PSAT1: variants seen among roughly 807,000 people sequenced by gnomAD.
PSAT1 encodes the protein phosphoserine aminotransferase 1, also known as phosphoserine aminotransferase.
A neutral mutation model predicts 40.3 loss-of-function variants in PSAT1; 41 were observed. The ratio of observed to expected loss-of-function variants is 1.02; its 90% CI spans 0.79 to 1.32. The LOEUF (loss-of-function observed/expected upper bound fraction) is 1.32, where lower values mean the gene tolerates loss of function less well. Among genes scored for constraint, PSAT1 ranks in the 40% most tolerant of loss-of-function variants. The pLI is 0.00. For missense variants in PSAT1, 406 were observed against 455.8 expected, an observed-to-expected ratio of 0.89 and a Z score of 0.99; for synonymous variants, 147 against 170.5, an observed-to-expected ratio of 0.86 and a Z score of 1.07.
At chr9:78,320,775 C>T (rs1221750729) in intron 7 of PSAT1, among the ~76,000 whole-genome samples, 1 of 152,122 alleles carries the variant, frequency 6.6e-6, no homozygotes, top group Non-Finnish European at 1.5e-5. Flanking sequence ...AAGAATAAAT[C>T]ATCTTCCCTG....
intron 6 of PSAT1, among the ~76,000 whole-genome samples, chr9:78,311,829 G>C (rs10780228): frequency 0.077 from 11,644 of 151,314 alleles, 664 homozygotes; most frequent in East Asian, 0.24. Flanking sequence ...GAGACTGTCT[G>C]AAAACAAAAA....
chr9:78,310,844 G>A (rs144576345), intron 6 of PSAT1, among the ~76,000 whole-genome samples: 7,497 of 152,140 alleles, frequency 0.049, 323 homozygotes, highest in East Asian at 0.19. Flanking sequence ...CTGACCTCAG[G>A]TGATCCACCT....
At chr9:78,297,310 C>A in intron 1 of PSAT1, 40 bp downstream of exon 1, 1 of 1,570,132 alleles carries the variant, frequency 6.4e-7, no homozygotes, top group Non-Finnish European at 8.6e-7. Flanking sequence ...GAGGTTCAGG[C>A]GGGAGCACGC....
intron 1 of PSAT1, among the ~76,000 whole-genome samples, chr9:78,300,186 C>A (rs192577496): frequency 6.6e-6 from 1 of 152,178 alleles, no homozygotes; most frequent in Non-Finnish European, 1.5e-5. Flanking sequence ...GCTTCCCAGT[C>A]TAGCACCTTA....
rs1363797738 is a variant in PSAT1 at position 78,329,246 on chromosome 9, CTG to C, written c.*162_*163del. 29 of 649,968 alleles carry C rather than the reference CTG, an allele frequency of 4.5e-5. No homozygotes were observed. The highest frequency in any genetic ancestry group is 8.0e-5 in the Non-Finnish European group (29 of 361,654). 40.3% of individuals were successfully genotyped at this position (649,968 alleles called of 1,614,324 possible). On this transcript the variant is annotated 3_prime_UTR_variant, in exon 9 of 9. Transcript: ENST00000376588. Reference sequence around the variant, plus strand: ...GAACAACAGCAAAACATCCACAACTCTGTAAAGCTGGTGGGACCTAATGTCAC... The same window carrying C: ...GAACAACAGCAAAACATCCACAACTCTAAAGCTGGTGGGACCTAATGTCAC...
rs1285155459 is a variant in PSAT1, at chr9:78,302,102, C to G, written c.191+79C>G. On this transcript the variant is annotated intron_variant, in intron 3 of 8. Transcript: ENST00000376588. ...TGGATGTCTTCCAGTATTTTCTACA[C>G]TCTATTGTTTGTTCAGAATATTTCA... 6.0e-6 allele frequency: 6 copies of G among 997,794 alleles called. No homozygotes were observed. The East Asian group carries it at 7.2e-5, about 12-fold the overall frequency. The allele number at this position is 997,794 out of a possible 1,614,324, so 61.8% of individuals were successfully genotyped here.
At chr9:78,316,647 G>A (rs940698618) in intron 6 of PSAT1, among the ~76,000 whole-genome samples, 4 of 152,184 alleles carry the variant, frequency 2.6e-5, no homozygotes, top group Admixed American at 1.3e-4. Context: ...GTTGGGAAGA[G>A]CAGGGTGGAT....
intron 5 of PSAT1, among the ~76,000 whole-genome samples, chr9:78,306,714 C>T (rs371539848): frequency 3.9e-5 from 6 of 152,178 alleles, no homozygotes; most frequent in Admixed American, 1.3e-4. Context: ...GGGTCCCACT[C>T]GAGTCCTTGG....
intron 6 of PSAT1, among the ~76,000 whole-genome samples, chr9:78,310,796 C>T (rs572999499): frequency 1.1e-3 from 167 of 152,124 alleles, no homozygotes; most frequent in African/African-American, 3.2e-3. Flanking sequence ...TTAGTAGAGA[C>T]GGGGTTCCAC....
chr9:78,299,144 C>CAAAAAAAAAAAAAAAAAAAAAAAAAAA (rs71360679), intron 1 of PSAT1, among the ~76,000 whole-genome samples: 8 of 87,306 alleles, frequency 9.2e-5, no homozygotes, highest in African/African-American at 3.6e-4. Flanking sequence ...TGTCTCTTAA[C>CAAAAAAAAAAAAAAAAAAAAAAAAAAA]AAAAAAAAAA....
Position 78,314,445 on chromosome 9 carries a change from G to A in PSAT1, c.741-3231G>A, listed in dbSNP as rs532525061. Among the ~76,000 whole-genome samples, 542 of 134,152 alleles carry A rather than the reference G, an allele frequency of 4.0e-3. 26 individuals are homozygous for A. Among genetic ancestry groups the A allele is most frequent in the Non-Finnish European group, 6.0e-3 (372 of 62,418 alleles). 88.0% of individuals were successfully genotyped at this position (134,152 alleles called of 152,430 possible). On this transcript the variant is annotated intron_variant, in intron 6 of 8. Transcript: ENST00000376588. ...GCTCTGCAGAGGGCTGGGTGGGAGGGGAGGCAGGACCTCCTATCTTGTGTT... is the reference window on the plus strand; with the variant it reads ...GCTCTGCAGAGGGCTGGGTGGGAGGAGAGGCAGGACCTCCTATCTTGTGTT...
chr9:78,320,337 T>TCTATCCATCC (rs1564018504), intron 7 of PSAT1, among the ~76,000 whole-genome samples: 1 of 37,350 alleles, frequency 2.7e-5, no homozygotes. Context: ...TCCATCCATC[T>TCTATCCATCC]ATCCATCCAT....
At position 78,326,955 on chromosome 9, in the gene PSAT1, A is replaced by ATATATATTTTTTTTTTTTT; in HGVS notation, c.870-1095_870-1094insATATATTTTTTTTTTTTTT. 6.6e-5 allele frequency among the ~76,000 whole-genome samples: 5 copies of ATATATATTTTTTTTTTTTT among 75,934 alleles called. No homozygotes were observed. In the East Asian group the frequency reaches 2.1e-3, roughly 32 times the overall value. The allele number at this position is 75,934 out of a possible 152,430, so 49.8% of individuals were successfully genotyped here. On this transcript the variant is annotated intron_variant, in intron 7 of 8. Transcript: ENST00000376588. The stretch of plus-strand genomic sequence containing the variant: ...CAGCAATATATATATATATATATAT[A>ATATATATTTTTTTTTTTTT]TTTTTTTTTTTTTTTTTTGAGACAG...
chr9:78,306,539 G>T, intron 5 of PSAT1, 53 bp downstream of exon 5: 1 of 1,605,668 alleles, frequency 6.2e-7, no homozygotes, highest in South Asian at 1.1e-5. Context: ...TGTCTGCAGG[G>T]ACATTTTAAT....
chr9:78,308,611 C>G, intron 6 of PSAT1, 28 bp downstream of exon 6: 6 of 1,612,136 alleles, frequency 3.7e-6, no homozygotes, highest in Non-Finnish European at 4.2e-6. Flanking sequence ...TCTTGTGGAC[C>G]CAGGGAGGGG....
chr9:78,298,127 ACT>A (rs1828054047), intron 1 of PSAT1, among the ~76,000 whole-genome samples: 1 of 151,586 alleles, frequency 6.6e-6, no homozygotes, highest in Non-Finnish European at 1.5e-5. Context: ...GGTGGAACTC[ACT>A]CTCTGCCTTC....
chr9:78,327,916 G>T (rs1176322343), intron 7 of PSAT1, 135 bp from the exon 8 acceptor site: 9 of 925,390 alleles, frequency 9.7e-6, no homozygotes, highest in East Asian at 2.6e-5. Context: ...TGCTGGGGCA[G>T]ATTTTTTGTT....
In PSAT1 at chr9:78,317,529, G is replaced by A. The variant is rs756289412; in HGVS notation, c.741-147G>A. On this transcript the variant is annotated intron_variant, in intron 6 of 8. Transcript: ENST00000376588. ...GCCTTCCAAAGTGTTGGGATTACGG[G>A]CGTGAGCCACTGCATTTGACTATCT... The A allele has an allele frequency of 3.3e-4, 336 of 1,013,256 alleles. 1 individual carries two copies. Among genetic ancestry groups the A allele is most frequent in the Non-Finnish European group, 4.9e-4 (317 of 650,708 alleles). 62.8% of individuals were successfully genotyped at this position (1,013,256 alleles called of 1,614,324 possible).
chr9:78,312,050 CT>C lies in PSAT1; in HGVS notation c.740+3480del, dbSNP rs1210994021. Among the ~76,000 whole-genome samples the C allele has an allele frequency of 5.4e-4, 70 of 128,730 alleles. 1 individual carries two copies. Among genetic ancestry groups the C allele is most frequent in the Admixed American group, 1.1e-3 (13 of 12,308 alleles). The allele number at this position is 128,730 out of a possible 152,430, so 84.5% of individuals were successfully genotyped here. ...AAAGGCCTCACTTTTGAAAAGACGC[CT>C]TTTTTTTTTTTTCCCCACAGAGTCT... On this transcript the variant is annotated intron_variant, in intron 6 of 8. Coordinates refer to ENST00000376588, the MANE Select transcript of PSAT1 (RefSeq NM_058179.4).
Sources: gnomAD v4.1 joint callset for allele counts (sites outside exome capture counted in the v4.1 genomes callset) on GRCh38, gnomAD v4.1.1 for gene constraint, MANE v1.5 for transcripts, NCBI Gene and HGNC (gene_info 2026-07-23, HGNC 2026-07-21) for gene names.